CLNK: variants seen among roughly 807,000 people sequenced by gnomAD.
The protein encoded by CLNK is cytokine dependent hematopoietic cell linker.
In CLNK, 74 loss-of-function variants were observed where a neutral mutation model predicts 68.6. The ratio of observed to expected loss-of-function variants is 1.08; its 90% CI spans 0.89 to 1.31. CLNK has a LOEUF of 1.31. CLNK is among the 50% of genes most tolerant of loss of function. The probability of loss-of-function intolerance (pLI) is 0.00; values close to 1 mark genes in which losing one functional copy is unlikely to be tolerated. For missense variants in CLNK, 553 were observed against 515.3 expected (o/e 1.07, Z -0.71); for synonymous variants, 198 against 172.2 (o/e 1.15, Z -1.17).
intron 4 of CLNK, among the ~76,000 whole-genome samples, chr4:10,581,420 T>G (rs1385696235): frequency 6.6e-6 from 1 of 152,170 alleles, no homozygotes; most frequent in Non-Finnish European, 1.5e-5. Flanking sequence ...TTCAGTTTAT[T>G]CACTGGACAA....
At chr4:10,520,370 T>G (rs893939234) in intron 15 of CLNK, among the ~76,000 whole-genome samples, 1 of 152,288 alleles carries the variant, frequency 6.6e-6, no homozygotes, top group Admixed American at 6.5e-5. Flanking sequence ...AAATTAAAAG[T>G]TTGTCAAAAA....
intron 8 of CLNK, among the ~76,000 whole-genome samples, chr4:10,556,327 T>C (rs1719671513): frequency 6.6e-6 from 1 of 152,240 alleles, no homozygotes; most frequent in Non-Finnish European, 1.5e-5. Context: ...AATTTAGTGA[T>C]GTGTGCCTAA....
Position 10,524,087 on chromosome 4 carries a change from A to AGAGGAGGAGGAGGAGGAG in CLNK, c.731+1736_731+1753dup, listed in dbSNP as rs59952822. On this transcript the variant is annotated intron_variant, in intron 14 of 18. Coordinates refer to ENST00000226951, the MANE Select transcript of CLNK (RefSeq NM_052964.4). The stretch of plus-strand genomic sequence containing the variant: ...AAAAGAAAGAAAGAAAGAAAAGAGA[A>AGAGGAGGAGGAGGAGGAG]GAGGAGGAGGAGGAGGAGGAGGAGG... 27 of 153,840 alleles carry AGAGGAGGAGGAGGAGGAG rather than the reference A, an allele frequency of 1.8e-4. 1 individual carries two copies. The highest frequency in any genetic ancestry group is 6.5e-4 in the African/African-American group (26 of 39,974). 9.5% of individuals were successfully genotyped at this position (153,840 alleles called of 1,614,324 possible). A position where few individuals can be genotyped will look rare whatever the true frequency, so the allele number is the denominator to read the frequency against.
At chr4:10,528,869 C>T (rs1318921862) in intron 12 of CLNK, among the ~76,000 whole-genome samples, 1 of 152,032 alleles carries the variant, frequency 6.6e-6, no homozygotes, top group Non-Finnish European at 1.5e-5. Flanking sequence ...TCACATTATC[C>T]TTTTTAAATG....
intron 14 of CLNK, among the ~76,000 whole-genome samples, chr4:10,525,638 A>G (rs142072071): frequency 1.3e-5 from 2 of 152,334 alleles, no homozygotes; most frequent in East Asian, 1.9e-4. Flanking sequence ...TTAACACTCA[A>G]TCAATCATTT....
At chr4:10,523,615 T>C (rs200043077) in intron 14 of CLNK, among the ~76,000 whole-genome samples, 4 of 151,638 alleles carry the variant, frequency 2.6e-5, no homozygotes, top group South Asian at 4.1e-4. Flanking sequence ...AACAAACAAA[T>C]AAACAAAAGA....
chr4:10,726,682 T>C, the CLNK span, among the ~76,000 whole-genome samples: 1 of 152,202 alleles, frequency 6.6e-6, no homozygotes, highest in Admixed American at 6.5e-5. Context: ...ACAACCTTTT[T>C]AACCTTTCAA....
intron 18 of CLNK, among the ~76,000 whole-genome samples, chr4:10,499,216 C>A (rs1455385635): frequency 6.6e-6 from 1 of 152,074 alleles, no homozygotes; most frequent in South Asian, 2.1e-4. Flanking sequence ...GATTGTAAGA[C>A]CTGACCCCAG....
At chr4:10,531,146 A>C (rs1718520774) in intron 12 of CLNK, among the ~76,000 whole-genome samples, 1 of 152,238 alleles carries the variant, frequency 6.6e-6, no homozygotes, top group South Asian at 2.1e-4. Flanking sequence ...AGACAAGAAC[A>C]AAATTCCTTA....
intron 2 of CLNK, among the ~76,000 whole-genome samples, chr4:10,601,149 C>A (rs1457414887): frequency 6.6e-6 from 1 of 152,130 alleles, no homozygotes; most frequent in African/African-American, 2.4e-5. Context: ...GAGTGGAGAG[C>A]ATTTAGTTCC....
chr4:10,681,529 A>G (rs756122267), intron 1 of CLNK, among the ~76,000 whole-genome samples: 1 of 152,250 alleles, frequency 6.6e-6, no homozygotes, highest in Non-Finnish European at 1.5e-5. Context: ...CTTAGTTCAA[A>G]TGACAAACCA....
intron 15 of CLNK, among the ~76,000 whole-genome samples, chr4:10,518,671 A>C (rs920734074): frequency 2.6e-5 from 4 of 152,194 alleles, no homozygotes; most frequent in African/African-American, 9.6e-5. Flanking sequence ...ACTTGAATGC[A>C]TTTATCAAAG....
chr4:10,720,491 C>A, the CLNK span, among the ~76,000 whole-genome samples: 1 of 151,888 alleles, frequency 6.6e-6, no homozygotes, highest in Admixed American at 6.6e-5. Flanking sequence ...AAATGTTCAA[C>A]ATCATTAGGT....
intron 2 of CLNK, among the ~76,000 whole-genome samples, chr4:10,616,706 T>G (rs1380131759): frequency 6.6e-6 from 1 of 151,602 alleles, no homozygotes; most frequent in African/African-American, 2.4e-5. Context: ...GCATATTTCA[T>G]TATTATTTGT....
chr4:10,641,572 C>T (rs766677817), intron 2 of CLNK, among the ~76,000 whole-genome samples: 9 of 152,160 alleles, frequency 5.9e-5, no homozygotes, highest in East Asian at 1.9e-4. Flanking sequence ...ATGTATTCCC[C>T]CAGTTGCTGG....
rs73809629 is a variant in CLNK, at chr4:10,528,142, G to T, written c.631-48C>A. On this transcript the variant is annotated intron_variant, in intron 12 of 18. Transcript: ENST00000226951. ...AAATTTACTGACTCTTGATGACAGA[G>T]AATTTAATATAACACCATGTGTGTT... is the stretch of plus-strand genomic sequence containing the variant. 1.3e-5 allele frequency: 13 copies of T among 967,632 alleles called. No homozygotes were observed. The South Asian group carries it at 2.8e-4, about 21-fold the overall frequency. The allele number at this position is 967,632 out of a possible 1,614,324, so 59.9% of individuals were successfully genotyped here. A position where few individuals can be genotyped will look rare whatever the true frequency, so the allele number is the denominator to read the frequency against.
intron 1 of CLNK, among the ~76,000 whole-genome samples, chr4:10,673,103 G>T (rs1378697610): frequency 6.6e-6 from 1 of 152,122 alleles, no homozygotes; most frequent in Non-Finnish European, 1.5e-5. Flanking sequence ...TCTCTCTCAG[G>T]TCTTATTTAT....
At chr4:10,491,135 A>G (rs1400798452) in intron 18 of CLNK, among the ~76,000 whole-genome samples, 1 of 152,214 alleles carries the variant, frequency 6.6e-6, no homozygotes, top group Admixed American at 6.5e-5. Context: ...AGAGAGAAAA[A>G]AATTCTTGAG....
rs1181055227 is a variant in CLNK, at chr4:10,499,976, G to A, written c.1140+1280C>T. Among the ~76,000 whole-genome samples the A allele has an allele frequency of 2.6e-5, 4 of 152,142 alleles. No individual in the cohort carries two copies. The East Asian group carries it at 7.7e-4, about 29-fold the overall frequency. ...AAATACAGTCACATTCTGGGCTACT[G>A]AGGGTTAGGACTTCAACGTGTGGGT... On this transcript the variant is annotated intron_variant, in intron 18 of 18. Coordinates refer to ENST00000226951, the MANE Select transcript of CLNK (RefSeq NM_052964.4).
Sources: allele counts gnomAD v4.1 joint callset (sites outside exome capture counted in the v4.1 genomes callset), GRCh38; gene constraint gnomAD v4.1.1; transcripts MANE v1.5; gene names NCBI Gene and HGNC (gene_info 2026-07-23, HGNC 2026-07-21).